The following RIN3 variants were observed in gnomAD, a reference collection of about 807,000 sequenced individuals.
RIN3 encodes RAB5 interacting protein 3.
RIN3 carries 54 observed loss-of-function variants against 76.3 expected under a neutral mutation model. The observed-to-expected ratio is 0.71, with a 90% CI of 0.57 to 0.89. The LOEUF is 0.89. Among genes scored for constraint, RIN3 ranks in the 40% least tolerant of loss-of-function variants. The pLI is 0.00. For synonymous variants in RIN3, 576 were observed against 564.0 expected, an observed-to-expected ratio of 1.02 and a Z score of -0.30; for missense variants, 1,256 against 1,322.1, an observed-to-expected ratio of 0.95 and a Z score of 0.78.
chr14:92,561,971 C>T (rs1595417695), intron 2 of RIN3, among the ~76,000 whole-genome samples: 1 of 152,216 alleles, frequency 6.6e-6, no homozygotes, highest in Admixed American at 6.5e-5. Context: ...CAGGCGTGAG[C>T]CACCATGCCT....
chr14:92,531,040 G>A (rs1896867299), intron 1 of RIN3, among the ~76,000 whole-genome samples: 2 of 152,060 alleles, frequency 1.3e-5, no homozygotes, highest in Admixed American at 1.3e-4. Context: ...CATGCCTCAG[G>A]ACTCCTCCTT....
chr14:92,539,190 G>A (rs1224008145), intron 1 of RIN3, among the ~76,000 whole-genome samples: 1 of 151,890 alleles, frequency 6.6e-6, no homozygotes, highest in African/African-American at 2.4e-5. Flanking sequence ...GGGGTGGGGG[G>A]GATGTCAGCT....
At chr14:92,534,731 G>A (rs1251811398) in intron 1 of RIN3, among the ~76,000 whole-genome samples, 2 of 152,108 alleles carry the variant, frequency 1.3e-5, no homozygotes, top group African/African-American at 4.8e-5. Context: ...GGGGGTCTCT[G>A]CTGGTCTTCT....
chr14:92,635,328 G>A (rs74073000), intron 4 of RIN3, among the ~76,000 whole-genome samples: 5,803 of 152,274 alleles, frequency 0.038, 384 homozygotes, highest in African/African-American at 0.13. Context: ...TGAAGCTGAG[G>A]TTGGAGGACT....
rs11629324 is a variant in RIN3, at chr14:92,654,374, C to G, written c.2026+1299C>G. 2.0e-5 allele frequency among the ~76,000 whole-genome samples: 3 copies of G among 151,904 alleles called. No homozygotes were observed. In the East Asian group the frequency reaches 5.8e-4, roughly 29 times the overall value. On this transcript the variant is annotated intron_variant, in intron 6 of 9. Coordinates refer to ENST00000216487, the MANE Select transcript of RIN3 (RefSeq NM_024832.5). Reference sequence around the variant, plus strand: ...ATTCTGTCAGTTCGCACTGCCGTAGCCAAAAAGTGGTTGCTAAACATTGAG... The same window carrying G: ...ATTCTGTCAGTTCGCACTGCCGTAGGCAAAAAGTGGTTGCTAAACATTGAG...
intron 7 of RIN3, among the ~76,000 whole-genome samples, chr14:92,669,629 T>C (rs918189031): frequency 1.3e-5 from 2 of 150,968 alleles, no homozygotes; most frequent in African/African-American, 4.9e-5. Context: ...AACAAATGGG[T>C]GCCCTGGGTG....
At chr14:92,603,228 A>C (rs536775127) in intron 3 of RIN3, among the ~76,000 whole-genome samples, 4 of 152,188 alleles carry the variant, frequency 2.6e-5, no homozygotes, top group Non-Finnish European at 4.4e-5. Flanking sequence ...TCCAGAGGCA[A>C]AGGTGCCACC....
At chr14:92,600,677 C>T (rs949801664) in intron 3 of RIN3, among the ~76,000 whole-genome samples, 4 of 152,188 alleles carry the variant, frequency 2.6e-5, no homozygotes, top group Admixed American at 1.3e-4. Flanking sequence ...TAGGTGTTGG[C>T]GTCCATGGCA....
In RIN3 at chr14:92,643,598, C is replaced by T. The variant is rs528687815; in HGVS notation, c.532+2269C>T. Reference sequence around the variant, plus strand: ...CGATGACACCGACCATTGCAGAGCACTTGGCATTGTCTTATGTCATTTTTG... The same window carrying T: ...CGATGACACCGACCATTGCAGAGCATTTGGCATTGTCTTATGTCATTTTTG... On this transcript the variant is annotated intron_variant, in intron 5 of 9. Transcript: ENST00000216487. The surrounding 1 kb of genome is among the most constrained non-coding windows in gnomAD (Gnocchi z 4.8). Among the ~76,000 whole-genome samples the T allele has an allele frequency of 4.6e-5, 7 of 152,244 alleles. No individual in the cohort carries two copies. The South Asian group carries it at 1.2e-3, about 27-fold the overall frequency.
At chr14:92,678,364 C>T (rs1285651989) in intron 8 of RIN3, among the ~76,000 whole-genome samples, 1 of 150,356 alleles carries the variant, frequency 6.7e-6, no homozygotes, top group African/African-American at 2.5e-5. Context: ...CTACCCATCC[C>T]CCTACCCATC....
intron 4 of RIN3, among the ~76,000 whole-genome samples, chr14:92,618,147 G>A (rs571035782): frequency 2.8e-4 from 42 of 152,238 alleles, no homozygotes; most frequent in African/African-American, 1.0e-3. Context: ...CAAAGTATAA[G>A]GTTCTTCATG....
At position 92,637,092 on chromosome 14, in the gene RIN3, C is replaced by T. The variant is rs1043737208; in HGVS notation, c.441-4146C>T. On this transcript the variant is annotated intron_variant, in intron 4 of 9. Coordinates refer to ENST00000216487, the MANE Select transcript of RIN3 (RefSeq NM_024832.5). ...GCCAGGGGTGGGGTGGGGATGGTTT[C>T]GGGATGATTCAAGCGCATTACGTTT... 1.1e-4 allele frequency among the ~76,000 whole-genome samples: 17 copies of T among 152,066 alleles called. No homozygotes were observed. The East Asian group carries it at 2.9e-3, about 26-fold the overall frequency.
At chr14:92,570,574 A>G (rs530294961) in intron 2 of RIN3, among the ~76,000 whole-genome samples, 31 of 151,990 alleles carry the variant, frequency 2.0e-4, no homozygotes, top group African/African-American at 6.5e-4. Flanking sequence ...AGGCAGGAGA[A>G]TCACTTGAAC....
intron 1 of RIN3, among the ~76,000 whole-genome samples, chr14:92,547,570 A>AT: frequency 6.7e-6 from 1 of 149,324 alleles, no homozygotes. Context: ...GATTCTTTTA[A>AT]TTTTTTGTAG....
intron 5 of RIN3, among the ~76,000 whole-genome samples, chr14:92,650,434 A>G (rs1342108022): frequency 6.6e-6 from 1 of 152,182 alleles, no homozygotes; most frequent in Non-Finnish European, 1.5e-5. Context: ...CGCAGCAAGA[A>G]CGCCATGGAT....
intron 3 of RIN3, among the ~76,000 whole-genome samples, chr14:92,603,857 G>A (rs1885432408): frequency 1.3e-5 from 2 of 152,162 alleles, no homozygotes; most frequent in African/African-American, 2.4e-5. Context: ...TGGAACCAGC[G>A]GGTCCCTGGG....
At chr14:92,585,187 A>AT (rs1555385734) in intron 3 of RIN3, among the ~76,000 whole-genome samples, 7 of 151,660 alleles carry the variant, frequency 4.6e-5, no homozygotes, top group Non-Finnish European at 1.0e-4. Flanking sequence ...TAATTTTTTT[A>AT]TTTTTTGTAG....
intron 3 of RIN3, among the ~76,000 whole-genome samples, chr14:92,609,883 GTGTA>G (rs1336624720): frequency 1.0e-3 from 37 of 35,720 alleles, no homozygotes; most frequent in South Asian, 2.2e-3. Flanking sequence ...GTGTGTGTGT[GTGTA>G]TGTATGTGTG....
At chr14:92,573,313 C>A (rs1223574426) in intron 2 of RIN3, among the ~76,000 whole-genome samples, 1 of 152,124 alleles carries the variant, frequency 6.6e-6, no homozygotes, top group African/African-American at 2.4e-5. Context: ...CAAAAAATCC[C>A]AAGGTTGGTG....
Sources: allele counts gnomAD v4.1 joint callset (sites outside exome capture counted in the v4.1 genomes callset), GRCh38; gene constraint gnomAD v4.1.1; non-coding constraint Gnocchi (gnomAD v3.1); transcripts MANE v1.5; gene names NCBI Gene and HGNC (gene_info 2026-07-23, HGNC 2026-07-21).